HHAT: variants seen among roughly 807,000 people sequenced by gnomAD.
HHAT encodes the protein hedgehog acyltransferase.
HHAT carries 47 observed loss-of-function variants against 70.8 expected under a neutral mutation model. The ratio of observed to expected loss-of-function variants is 0.66; its 90% CI spans 0.53 to 0.85. The LOEUF (loss-of-function observed/expected upper bound fraction) is 0.85. Ranked by LOEUF, HHAT falls within the 40% of genes least tolerant of loss-of-function variation. The pLI is 0.00. For missense variants in HHAT, 609 were observed against 604.8 expected, an observed-to-expected ratio of 1.01 and a Z score of -0.07; for synonymous variants, 228 against 247.6, an observed-to-expected ratio of 0.92 and a Z score of 0.74.
At chr1:210,421,300 TA>T (rs1331122912) in intron 7 of HHAT, among the ~76,000 whole-genome samples, 6 of 152,076 alleles carry the variant, frequency 3.9e-5, no homozygotes, top group Admixed American at 6.6e-5. Context: ...TAGATCAATA[TA>T]AAAAAATAGA....
chr1:210,476,159 T>G (rs1227929255), intron 8 of HHAT, among the ~76,000 whole-genome samples: 1 of 152,254 alleles, frequency 6.6e-6, no homozygotes, highest in Non-Finnish European at 1.5e-5. Context: ...TTATCCTTTT[T>G]GTGAGTCCTG....
Position 210,404,660 on chromosome 1 carries a change from T to C in HHAT, c.665T>C (p.Phe222Ser). The change falls in exon 6 of 12, where the codon TTC becomes TCC. Residue 222 changes from phenylalanine (F) to serine (S), a missense_variant. Phe to Ser is a radical substitution (Grantham distance 155). Coordinates refer to ENST00000261458, the MANE Select transcript of HHAT (RefSeq NM_018194.6). ...PVLHNGPILS[F>S]SEFIKQMQQQ... ...TTACACAATGGGCCCATCCTCAGCT[T>C]CTCGGAGTTCATCAAACAGGTAGAG... 6.2e-7 allele frequency: 1 copy of C among 1,613,916 alleles called. No individual in the cohort carries two copies. The highest frequency in any genetic ancestry group is 8.5e-7 in the Non-Finnish European group (1 of 1,179,884).
intron 10 of HHAT, among the ~76,000 whole-genome samples, chr1:210,608,490 A>G (rs1264507379): frequency 6.6e-6 from 1 of 152,106 alleles, no homozygotes; most frequent in African/African-American, 2.4e-5. Context: ...TGCTAGGGAA[A>G]GCCCCTACCT....
chr1:210,568,095 C>G (rs1030020151), intron 9 of HHAT, among the ~76,000 whole-genome samples: 1 of 152,220 alleles, frequency 6.6e-6, no homozygotes, highest in East Asian at 1.9e-4. Flanking sequence ...ATCCCTCAAC[C>G]TCTGGGAACG....
intron 9 of HHAT, among the ~76,000 whole-genome samples, chr1:210,519,400 G>A (rs2095114323): frequency 6.6e-6 from 1 of 151,990 alleles, no homozygotes; most frequent in Non-Finnish European, 1.5e-5. Context: ...ACAGTAGTTT[G>A]GTTCTTAATT....
intron 7 of HHAT, 55 bp downstream of exon 7, chr1:210,418,380 A>C (rs1167447843): frequency 1.4e-5 from 21 of 1,481,284 alleles, no homozygotes; most frequent in Non-Finnish European, 1.1e-5. Context: ...AACAGTTAGC[A>C]TCAGAATGGA....
Position 210,623,592 on chromosome 1 carries a change from A to T in HHAT, c.1312A>T (p.Met438Leu). The change falls in exon 11 of 12, where the codon ATG becomes TTG. Residue 438 changes from methionine to leucine, a missense_variant. Physicochemically the swap from Met to Leu is conservative, Grantham distance 15. Coordinates refer to ENST00000261458, the MANE Select transcript of HHAT (RefSeq NM_018194.6). Reference protein sequence around the residue: ...HAALASCSTSMLILSNLVFLG... With the variant: ...HAALASCSTSLLILSNLVFLG... ...TGCCCTTGCTTCTTGTTCCACCTCG[A>T]TGCTGATCCTGTCCAACCTGGTATT... 1 of 1,614,012 alleles carries T rather than the reference A, an allele frequency of 6.2e-7. No homozygotes were observed. Among genetic ancestry groups the T allele is most frequent in the Non-Finnish European group, 8.5e-7 (1 of 1,179,974 alleles).
chr1:210,413,091 G>A (rs1411897493), intron 6 of HHAT, among the ~76,000 whole-genome samples: 3 of 152,222 alleles, frequency 2.0e-5, no homozygotes, highest in African/African-American at 7.2e-5. Flanking sequence ...GATGATGGTG[G>A]CAGCAGAGAG....
At chr1:210,631,898 C>CA (rs1191681502) in intron 11 of HHAT, among the ~76,000 whole-genome samples, 14 of 152,090 alleles carry the variant, frequency 9.2e-5, no homozygotes, top group Non-Finnish European at 7.4e-5. Context: ...GAAGACTATA[C>CA]AAAAAAACTT....
intron 3 of HHAT, among the ~76,000 whole-genome samples, chr1:210,380,670 A>G (rs866094421): frequency 1.3e-5 from 2 of 152,220 alleles, no homozygotes; most frequent in Non-Finnish European, 1.5e-5. Flanking sequence ...TGGATGGACT[A>G]CTAAAGGCTT....
At chr1:210,373,124 A>G (rs976222700) in intron 3 of HHAT, among the ~76,000 whole-genome samples, 4 of 152,176 alleles carry the variant, frequency 2.6e-5, no homozygotes, top group African/African-American at 7.2e-5. Flanking sequence ...GATACTTTCA[A>G]TGTTAAGAAC....
At chr1:210,398,274 T>G (rs140666948) in intron 4 of HHAT, among the ~76,000 whole-genome samples, 3 of 152,348 alleles carry the variant, frequency 2.0e-5, no homozygotes, top group African/African-American at 7.2e-5. Flanking sequence ...CTGTGCATCA[T>G]GAATGTATAT....
chr1:210,506,563 AC>A (rs2148562302), intron 8 of HHAT, among the ~76,000 whole-genome samples: 1 of 152,214 alleles, frequency 6.6e-6, no homozygotes, highest in South Asian at 2.1e-4. Flanking sequence ...TCATGAGGAA[AC>A]CCTGGTTTTC....
intron 9 of HHAT, among the ~76,000 whole-genome samples, chr1:210,519,948 C>G (rs1243958622): frequency 6.6e-6 from 1 of 151,656 alleles, no homozygotes; most frequent in African/African-American, 2.4e-5. Flanking sequence ...TTTCATATAC[C>G]TGTTGGCCAT....
intron 10 of HHAT, among the ~76,000 whole-genome samples, chr1:210,606,481 A>AGGTATCTGC (rs11283130): frequency 0.36 from 54,973 of 151,700 alleles, 11,130 homozygotes; most frequent in South Asian, 0.51. Context: ...ACATGGTCAG[A>AGGTATCTGC]GGTATCTGCT....
chr1:210,432,848 A>G (rs1272135775), intron 7 of HHAT, among the ~76,000 whole-genome samples: 2 of 151,826 alleles, frequency 1.3e-5, no homozygotes, highest in Non-Finnish European at 2.9e-5. Context: ...AGATAAAATA[A>G]GCATAAGGGG....
chr1:210,614,926 T>C (rs925637240), intron 10 of HHAT, among the ~76,000 whole-genome samples: 1 of 152,150 alleles, frequency 6.6e-6, no homozygotes, highest in African/African-American at 2.4e-5. Context: ...GGTATATGCC[T>C]AGTAATGGGA....
Position 210,674,685 on chromosome 1 carries a change from C to T in HHAT, c.*306C>T. The T allele has an allele frequency of 3.5e-6, 1 of 287,002 alleles. No individual in the cohort carries two copies. Among genetic ancestry groups the T allele is most frequent in the Non-Finnish European group, 6.4e-6 (1 of 155,326 alleles). 17.8% of individuals were successfully genotyped at this position (287,002 alleles called of 1,614,324 possible). ...TTGGTCTAGAACCTAGTCTCATGAG[C>T]CCTTTGCATTCTTTCCCCTTAAGCA... On this transcript the variant is annotated 3_prime_UTR_variant, in exon 12 of 12. Transcript: ENST00000261458.
At chr1:210,387,276 A>G (rs2091149364) in intron 3 of HHAT, among the ~76,000 whole-genome samples, 192 bp from the exon 4 acceptor site, 1 of 152,166 alleles carries the variant, frequency 6.6e-6, no homozygotes, top group Non-Finnish European at 1.5e-5. Context: ...AAGTAATTGC[A>G]GTTTTTGCCA....
Sources: allele counts gnomAD v4.1 joint callset (sites outside exome capture counted in the v4.1 genomes callset), GRCh38; gene constraint gnomAD v4.1.1; transcripts MANE v1.5; gene names NCBI Gene and HGNC (gene_info 2026-07-23, HGNC 2026-07-21).